Variants in CDK14 observed in about 807,000 individuals in gnomAD.
CDK14 encodes the protein cyclin-dependent kinase 14.
Under a neutral mutation model 60.7 loss-of-function variants are expected in CDK14, and 34 were observed. The ratio of observed to expected loss-of-function variants is 0.56; its 90% CI spans 0.43 to 0.75. The LOEUF (loss-of-function observed/expected upper bound fraction) is 0.75. CDK14 is among the 30% of genes least tolerant of loss of function. CDK14 has a pLI of 0.00. For missense variants in CDK14, 482 were observed against 564.1 expected, an observed-to-expected ratio of 0.85 and a Z score of 1.47; for synonymous variants, 197 against 203.7, an observed-to-expected ratio of 0.97 and a Z score of 0.28.
At chr7:90,617,111 G>A (rs887555958) in intron 2 of CDK14, among the ~76,000 whole-genome samples, 1 of 151,932 alleles carries the variant, frequency 6.6e-6, no homozygotes, top group Non-Finnish European at 1.5e-5. Context: ...ATTATTTACA[G>A]TGAAACAGCC....
chr7:91,111,954 G>T (rs1000079691), intron 12 of CDK14, among the ~76,000 whole-genome samples: 1 of 152,018 alleles, frequency 6.6e-6, no homozygotes, highest in Non-Finnish European at 1.5e-5. Flanking sequence ...TGTTTTAAAG[G>T]TCATCTTGAA....
intron 14 of CDK14, among the ~76,000 whole-genome samples, chr7:91,152,057 A>C (rs115347860): frequency 0.015 from 2,273 of 152,342 alleles, 52 homozygotes; most frequent in African/African-American, 0.052. Flanking sequence ...TTTGTAAACC[A>C]GTCATACTTT....
chr7:90,618,775 A>C (rs528936845), intron 2 of CDK14, among the ~76,000 whole-genome samples: 1 of 152,190 alleles, frequency 6.6e-6, no homozygotes, highest in Admixed American at 6.6e-5. Flanking sequence ...TGTTTGATGT[A>C]CTTTATCTTT....
chr7:90,859,543 A>G (rs1163295149), intron 5 of CDK14, among the ~76,000 whole-genome samples: 2 of 152,204 alleles, frequency 1.3e-5, no homozygotes, highest in African/African-American at 4.8e-5. Context: ...AAACATGGGT[A>G]AATCTCTTTT....
At chr7:90,939,710 C>T (rs1044351469) in intron 8 of CDK14, among the ~76,000 whole-genome samples, 14 of 152,196 alleles carry the variant, frequency 9.2e-5, no homozygotes, top group African/African-American at 1.7e-4. Flanking sequence ...AGCAAGTTTC[C>T]CTTCAAGGAA....
chr7:91,127,344 C>G (rs1224350993), intron 14 of CDK14, among the ~76,000 whole-genome samples: 1 of 152,130 alleles, frequency 6.6e-6, no homozygotes, highest in African/African-American at 2.4e-5. Flanking sequence ...GACATACTCT[C>G]AAATGTTTTA....
At chr7:90,647,414 G>T (rs776776088) in intron 2 of CDK14, among the ~76,000 whole-genome samples, 1 of 151,948 alleles carries the variant, frequency 6.6e-6, no homozygotes, top group Non-Finnish European at 1.5e-5. Context: ...GTCTATAAGT[G>T]AATCTTATTT....
In CDK14 at chr7:90,780,180, C is replaced by T. The variant is rs186935976; in HGVS notation, c.465-10393C>T. Among the ~76,000 whole-genome samples, 455 of 152,148 alleles carry T rather than the reference C, an allele frequency of 3.0e-3. 2 individuals carry two copies. The highest frequency in any genetic ancestry group is 0.01 in the African/African-American group (431 of 41,514). The stretch of plus-strand genomic sequence containing the variant: ...TGGTGATATTCAAATTCTGTCTTTC[C>T]GTCTTCATTTGTTACATGCAGTGCA... On this transcript the variant is annotated intron_variant, in intron 4 of 14. Coordinates refer to ENST00000380050, the MANE Select transcript of CDK14 (RefSeq NM_001287135.2).
At chr7:90,922,926 A>G (rs1793294015) in intron 8 of CDK14, among the ~76,000 whole-genome samples, 1 of 152,084 alleles carries the variant, frequency 6.6e-6, no homozygotes, top group African/African-American at 2.4e-5. Context: ...CGCTTCCCAT[A>G]TGCACAGCCT....
intron 12 of CDK14, among the ~76,000 whole-genome samples, chr7:91,097,706 A>T (rs1799035759): frequency 6.6e-6 from 1 of 152,170 alleles, no homozygotes; most frequent in Admixed American, 6.5e-5. Flanking sequence ...GACTGAGGCT[A>T]CGTTGCTCCT....
chr7:90,916,575 A>G (rs1793089687), intron 7 of CDK14, among the ~76,000 whole-genome samples: 2 of 152,212 alleles, frequency 1.3e-5, no homozygotes. Context: ...TTCAAGTTTC[A>G]GAATCTTTCT....
chr7:90,753,122 C>T (rs1490547661), intron 4 of CDK14, among the ~76,000 whole-genome samples: 2 of 152,114 alleles, frequency 1.3e-5, no homozygotes, highest in African/African-American at 4.8e-5. Context: ...GGAAGATGGA[C>T]ACCGCCTTAT....
chr7:90,766,999 G>A (rs1333498643), intron 4 of CDK14, among the ~76,000 whole-genome samples: 1 of 152,024 alleles, frequency 6.6e-6, no homozygotes, highest in East Asian at 1.9e-4. Context: ...GAGCCATGTA[G>A]TACCCTGGCT....
At chr7:90,907,693 A>G (rs1008591970) in intron 7 of CDK14, among the ~76,000 whole-genome samples, 4 of 152,108 alleles carry the variant, frequency 2.6e-5, no homozygotes, top group African/African-American at 9.7e-5. Flanking sequence ...CCGCAATCCT[A>G]TTGGCATAAA....
At chr7:90,744,060 G>A (rs1233869313) in intron 3 of CDK14, among the ~76,000 whole-genome samples, 3 of 151,982 alleles carry the variant, frequency 2.0e-5, no homozygotes, top group African/African-American at 7.3e-5. Flanking sequence ...TTCTCGCAGA[G>A]GGGGATTTGG....
At chr7:91,133,963 A>G (rs1339153237) in intron 14 of CDK14, among the ~76,000 whole-genome samples, 1 of 152,202 alleles carries the variant, frequency 6.6e-6, no homozygotes, top group Non-Finnish European at 1.5e-5. Flanking sequence ...AATACTAGAA[A>G]TAGCAGTATC....
intron 4 of CDK14, among the ~76,000 whole-genome samples, chr7:90,787,789 A>C (rs1325701211): frequency 6.6e-6 from 1 of 152,216 alleles, no homozygotes; most frequent in Non-Finnish European, 1.5e-5. Context: ...AAACACTTGG[A>C]GGTTCAATTC....
intron 2 of CDK14, among the ~76,000 whole-genome samples, chr7:90,639,950 G>C (rs188394708): frequency 6.6e-6 from 1 of 152,112 alleles, no homozygotes; most frequent in African/African-American, 2.4e-5. Flanking sequence ...CTCCTGATGC[G>C]CCGGTTTTTA....
At chr7:90,787,340 A>AC (rs1805637776) in intron 4 of CDK14, among the ~76,000 whole-genome samples, 1 of 24,486 alleles carries the variant, frequency 4.1e-5, no homozygotes, top group East Asian at 0.056. Context: ...CTTAAGGAAT[A>AC]TAAAAACTTA....
Sources: gnomAD v4.1 joint callset for allele counts (sites outside exome capture counted in the v4.1 genomes callset) on GRCh38, gnomAD v4.1.1 for gene constraint, MANE v1.5 for transcripts, NCBI Gene and HGNC (gene_info 2026-07-23, HGNC 2026-07-21) for gene names.